The following GRIN3A variants were observed in gnomAD, a reference collection of about 807,000 sequenced individuals.
The protein encoded by GRIN3A is glutamate ionotropic receptor NMDA type subunit 3A, also known as glutamate receptor ionotropic, NMDA 3A.
GRIN3A carries 47 observed loss-of-function variants against 92.4 expected under a neutral mutation model. The observed-to-expected ratio is 0.51, with a 90% CI of 0.40 to 0.65. The LOEUF (loss-of-function observed/expected upper bound fraction) is 0.65, where lower values mean the gene tolerates loss of function less well. Among genes scored for constraint, GRIN3A ranks in the 30% least tolerant of loss-of-function variants. The pLI is 0.00. For missense variants in GRIN3A, 1,324 were observed against 1,393.1 expected, an observed-to-expected ratio of 0.95 and a Z score of 0.79; for synonymous variants, 527 against 540.6, an observed-to-expected ratio of 0.97 and a Z score of 0.35.
At chr9:101,575,768 A>G (rs986324746) in intron 8 of GRIN3A, among the ~76,000 whole-genome samples, 3 of 152,218 alleles carry the variant, frequency 2.0e-5, no homozygotes, top group Non-Finnish European at 4.4e-5. Context: ...GCATAGATAT[A>G]CTTCCAAGAG....
intron 3 of GRIN3A, among the ~76,000 whole-genome samples, chr9:101,629,374 C>G (rs1201071264): frequency 6.6e-6 from 1 of 152,064 alleles, no homozygotes; most frequent in Non-Finnish European, 1.5e-5. Flanking sequence ...TGCAGAAACA[C>G]TTACCATGTT....
chr9:101,669,937 C>T, intron 3 of GRIN3A, 123 bp downstream of exon 3: 1 of 752,322 alleles, frequency 1.3e-6, no homozygotes, highest in Non-Finnish European at 2.2e-6. Flanking sequence ...GGACTAGTCT[C>T]TATACTTGGC....
intron 5 of GRIN3A, among the ~76,000 whole-genome samples, 172 bp from the exon 6 acceptor site, chr9:101,613,699 C>T (rs1828402090): frequency 6.6e-6 from 1 of 152,176 alleles, no homozygotes; most frequent in African/African-American, 2.4e-5. Context: ...ACCCTTAAAT[C>T]AGCTGCATCT....
rs138075207 is a variant in GRIN3A at position 101,579,334 on chromosome 9, G to A, written c.2793C>T (p.Phe931=). ...TETLQMGIKH[F]SGLFVLLCIG... ...TGCACAGCAGCACAAAGAGCCCAGAGAAGTGTTTGATGCCCATTTGCAAAG... is the reference window on the plus strand; with the variant it reads ...TGCACAGCAGCACAAAGAGCCCAGAAAAGTGTTTGATGCCCATTTGCAAAG... The change falls in exon 7 of 9, where the codon TTC becomes TTT. Residue 931 remains phenylalanine, a synonymous_variant. Transcript: ENST00000361820. The A allele has an allele frequency of 1.0e-3, 1,630 of 1,613,960 alleles. 4 individuals are homozygous for A. The highest frequency in any genetic ancestry group is 1.2e-3 in the Non-Finnish European group (1,403 of 1,179,886).
intron 6 of GRIN3A, among the ~76,000 whole-genome samples, chr9:101,603,236 A>G (rs1240268410): frequency 1.3e-5 from 2 of 152,142 alleles, no homozygotes; most frequent in Admixed American, 1.3e-4. Flanking sequence ...TTTTTTCGAG[A>G]TGGGACCAAG....
intron 1 of GRIN3A, among the ~76,000 whole-genome samples, chr9:101,692,302 AC>A (rs1829630145): frequency 6.6e-6 from 1 of 152,096 alleles, no homozygotes; most frequent in Non-Finnish European, 1.5e-5. Flanking sequence ...TTCTTTAGTA[AC>A]AAGCTCCAGT....
intron 1 of GRIN3A, among the ~76,000 whole-genome samples, chr9:101,688,059 T>A (rs937641277): frequency 1.3e-5 from 2 of 152,224 alleles, no homozygotes; most frequent in African/African-American, 4.8e-5. Flanking sequence ...CACAATGTCT[T>A]ATATACGTTA....
chr9:101,610,583 A>ATCTG (rs2118842036), intron 6 of GRIN3A, among the ~76,000 whole-genome samples: 1 of 130,974 alleles, frequency 7.6e-6, no homozygotes, highest in African/African-American at 2.7e-5. Context: ...CCATCTATCT[A>ATCTG]TCTATCTATC....
chr9:101,602,448 G>C (rs117702822), intron 6 of GRIN3A, among the ~76,000 whole-genome samples: 169 of 152,274 alleles, frequency 1.1e-3, no homozygotes, highest in Non-Finnish European at 2.1e-3. Flanking sequence ...GGTGAGTGAG[G>C]AGTCCCATTT....
At chr9:101,618,611 G>A (rs1287212008) in intron 5 of GRIN3A, among the ~76,000 whole-genome samples, 2 of 152,106 alleles carry the variant, frequency 1.3e-5, no homozygotes, top group African/African-American at 2.4e-5. Context: ...ATGATTTCTA[G>A]CAATAATAAT....
chr9:101,724,174 C>T (rs1340083600), intron 1 of GRIN3A, among the ~76,000 whole-genome samples: 3 of 130,180 alleles, frequency 2.3e-5, no homozygotes, highest in Non-Finnish European at 5.2e-5. Context: ...GGGTGGCGTT[C>T]GTCGAGGAGG....
intron 6 of GRIN3A, among the ~76,000 whole-genome samples, chr9:101,582,885 T>G (rs1270496967): frequency 6.6e-6 from 1 of 152,234 alleles, no homozygotes; most frequent in Non-Finnish European, 1.5e-5. Flanking sequence ...ATTAGTCTTA[T>G]TTTTCTCTTA....
chr9:101,613,106 C>T (rs149665256), intron 6 of GRIN3A, among the ~76,000 whole-genome samples: 75 of 152,316 alleles, frequency 4.9e-4, no homozygotes, highest in Non-Finnish European at 1.0e-3. Context: ...ATTTCTTCTG[C>T]ACTTGTGGAT....
intron 8 of GRIN3A, among the ~76,000 whole-genome samples, chr9:101,576,780 G>A (rs906539603): frequency 1.3e-5 from 2 of 152,128 alleles, no homozygotes; most frequent in Admixed American, 1.3e-4. Context: ...CTCATTGACT[G>A]GAAAGAGATA....
intron 2 of GRIN3A, among the ~76,000 whole-genome samples, chr9:101,685,573 T>G (rs920433665): frequency 6.6e-6 from 1 of 152,002 alleles, no homozygotes; most frequent in South Asian, 2.1e-4. Context: ...TTTAAGGATA[T>G]TCCCCCTTTC....
chr9:101,713,762 G>C (rs1379220202), intron 1 of GRIN3A, among the ~76,000 whole-genome samples: 1 of 152,054 alleles, frequency 6.6e-6, no homozygotes, highest in Admixed American at 6.6e-5. Flanking sequence ...TTTAGAATAA[G>C]AATTCTTCCC....
chr9:101,664,714 C>G (rs1829216468), intron 3 of GRIN3A, among the ~76,000 whole-genome samples: 1 of 151,896 alleles, frequency 6.6e-6, no homozygotes, highest in Non-Finnish European at 1.5e-5. Flanking sequence ...AATTTTATTT[C>G]TGATTCAAAG....
intron 4 of GRIN3A, among the ~76,000 whole-genome samples, chr9:101,627,659 C>T (rs1182910955): frequency 6.6e-6 from 1 of 152,166 alleles, no homozygotes; most frequent in Non-Finnish European, 1.5e-5. Flanking sequence ...CACTGTCTGC[C>T]TTTGTATTCA....
chr9:101,679,576 G>C (rs954042177), intron 2 of GRIN3A, among the ~76,000 whole-genome samples: 1 of 152,198 alleles, frequency 6.6e-6, no homozygotes, highest in Non-Finnish European at 1.5e-5. Flanking sequence ...TCATTCGGCT[G>C]ACAAGGGTTC....
Sources: allele counts gnomAD v4.1 joint callset (sites outside exome capture counted in the v4.1 genomes callset), GRCh38; gene constraint gnomAD v4.1.1; transcripts MANE v1.5; gene names NCBI Gene and HGNC (gene_info 2026-07-23, HGNC 2026-07-21).